ASPH: variants seen among roughly 807,000 people sequenced by gnomAD.
ASPH encodes aspartate beta-hydroxylase, also known as aspartyl/asparaginyl beta-hydroxylase.
In ASPH, 100 loss-of-function variants were observed where a neutral mutation model predicts 118.4. That is an observed-to-expected ratio of 0.84 (90% CI 0.72 to 1.00). The LOEUF (loss-of-function observed/expected upper bound fraction) is 1.00, where lower values mean the gene tolerates loss of function less well. Ranked by LOEUF, ASPH falls within the 50% of genes least tolerant of loss-of-function variation. ASPH has a pLI of 0.00. For missense variants in ASPH, 920 were observed against 919.5 expected, an observed-to-expected ratio of 1.00 and a Z score of -0.01; for synonymous variants, 315 against 325.6, an observed-to-expected ratio of 0.97 and a Z score of 0.35.
At chr8:61,598,045 C>T (rs534309405) in intron 14 of ASPH, among the ~76,000 whole-genome samples, 31 of 152,076 alleles carry the variant, frequency 2.0e-4, no homozygotes, top group East Asian at 1.9e-3. Flanking sequence ...AAACAACAGA[C>T]GATAAAGGAG....
In ASPH at chr8:61,501,333, T is replaced by G. The variant is rs931175107; in HGVS notation, c.*2026A>C. 12 of 152,192 alleles carry G rather than the reference T, an allele frequency of 7.9e-5. No homozygotes were observed. Among genetic ancestry groups the G allele is most frequent in the African/African-American group, 2.9e-4 (12 of 41,476 alleles). The allele number at this position is 152,192 out of a possible 1,614,324, so 9.4% of individuals were successfully genotyped here. On this transcript the variant is annotated 3_prime_UTR_variant, in exon 25 of 25. Transcript: ENST00000379454. ...TATTGACAACACTTTGCAACAGTAA[T>G]ACCATTTCTAGCTTTTCAATTGGCA...
chr8:61,547,973 A>C, intron 21 of ASPH, 98 bp downstream of exon 21: 2 of 1,435,264 alleles, frequency 1.4e-6, no homozygotes, highest in Non-Finnish European at 1.9e-6. Context: ...AATAAAATCT[A>C]TCTCTTCCCT....
At chr8:61,668,842 A>G (rs1820990874) in intron 3 of ASPH, among the ~76,000 whole-genome samples, 1 of 152,234 alleles carries the variant, frequency 6.6e-6, no homozygotes, top group South Asian at 2.1e-4. Context: ...AAACTTTGCA[A>G]TAGCTTTCTA....
chr8:61,533,656 A>G (rs1563726018), intron 21 of ASPH, among the ~76,000 whole-genome samples: 2 of 152,292 alleles, frequency 1.3e-5, no homozygotes, highest in South Asian at 2.1e-4. Flanking sequence ...GTCAGCGTAG[A>G]TAAGTCTATT....
chr8:61,663,664 T>G lies in ASPH; in HGVS notation c.323-10004A>C, dbSNP rs1009027378. 4.1e-6 allele frequency: 4 copies of G among 984,058 alleles called. No individual in the cohort carries two copies. In the South Asian group the frequency reaches 1.9e-4, roughly 46 times the overall value. The allele number at this position is 984,058 out of a possible 1,614,324, so 61.0% of individuals were successfully genotyped here. On this transcript the variant is annotated intron_variant, in intron 3 of 24. Coordinates refer to ENST00000379454, the MANE Select transcript of ASPH (RefSeq NM_004318.4). ...TGTGTAAAAATGGCAAAATCCTGAC[T>G]AATCAAAACATAAAACTCGAAGTTA...
chr8:61,643,106 C>G (rs1806061588), intron 9 of ASPH, among the ~76,000 whole-genome samples, 186 bp from the exon 10 acceptor site: 1 of 152,100 alleles, frequency 6.6e-6, no homozygotes, highest in Admixed American at 6.5e-5. Context: ...AAATTATTTT[C>G]ATTAAAATTT....
chr8:61,534,161 G>A (rs992671546), intron 21 of ASPH, among the ~76,000 whole-genome samples: 2 of 152,092 alleles, frequency 1.3e-5, no homozygotes, highest in Admixed American at 6.5e-5. Context: ...TGGTCAGGCT[G>A]GTCTTGAATG....
chr8:61,525,930 C>T (rs770463701), intron 22 of ASPH, 47 bp downstream of exon 22: 1 of 1,610,444 alleles, frequency 6.2e-7, no homozygotes, highest in Admixed American at 1.7e-5. Flanking sequence ...TACCCACTTC[C>T]CATCAGGTTT....
intron 13 of ASPH, among the ~76,000 whole-genome samples, chr8:61,627,395 A>G (rs996750207): frequency 3.3e-5 from 5 of 152,242 alleles, no homozygotes; most frequent in Non-Finnish European, 7.3e-5. Context: ...ACGATGATCC[A>G]GTTCACAAGA....
intron 6 of ASPH, 130 bp from the exon 7 acceptor site, chr8:61,644,762 TAA>T (rs1393646671): frequency 3.4e-6 from 2 of 587,356 alleles, no homozygotes; most frequent in African/African-American, 3.9e-5. Context: ...GACTATCAAT[TAA>T]AAGTCTGCTT....
intron 21 of ASPH, among the ~76,000 whole-genome samples, chr8:61,546,355 C>T (rs62506117): frequency 0.026 from 3,918 of 152,136 alleles, 86 homozygotes; most frequent in Middle Eastern, 0.054. Context: ...CCAAAAGGTA[C>T]AGTAGAGAAA....
chr8:61,543,979 A>T (rs1822895040), intron 21 of ASPH, among the ~76,000 whole-genome samples: 1 of 152,230 alleles, frequency 6.6e-6, no homozygotes, highest in South Asian at 2.1e-4. Flanking sequence ...AAATAACAAC[A>T]ATGTCCTGAG....
At chr8:61,623,702 T>C (rs1851737873) in intron 13 of ASPH, 3 of 152,198 alleles carry the variant, frequency 2.0e-5, no homozygotes, top group Admixed American at 2.0e-4. Flanking sequence ...GAAATTAGTA[T>C]ATTGAAGAAA....
intron 1 of ASPH, chr8:61,687,841 C>T (rs928457083): frequency 2.0e-5 from 3 of 151,970 alleles, no homozygotes; most frequent in Non-Finnish European, 4.4e-5. Context: ...TTTATATATC[C>T]CTTTTTAATA....
At chr8:61,696,491 T>G (rs1365640626) in intron 1 of ASPH, among the ~76,000 whole-genome samples, 1 of 152,176 alleles carries the variant, frequency 6.6e-6, no homozygotes, top group Admixed American at 6.5e-5. Flanking sequence ...CACCCATGCC[T>G]GTCATACGAA....
chr8:61,619,693 A>G (rs951291129), intron 13 of ASPH, among the ~76,000 whole-genome samples: 1 of 152,200 alleles, frequency 6.6e-6, no homozygotes, highest in East Asian at 1.9e-4. Flanking sequence ...CACATGGAAA[A>G]CAACAGCATA....
Position 61,556,021 on chromosome 8 carries a change from A to C in ASPH, c.1439T>G (p.Val480Gly). 1.2e-6 allele frequency: 2 copies of C among 1,613,296 alleles called. No individual in the cohort carries two copies. The highest frequency in any genetic ancestry group is 1.7e-6 in the Non-Finnish European group (2 of 1,179,594). ...NDNAKKVYEE[V>G]LSVTPNDGFA... ...GCCATCATTAGGTGTCACACTCAGC[A>C]CCTAAACTCAAAGAAAACACAGAAC... Residue 480 changes from valine to glycine, a missense_variant and splice_region_variant, in exon 19 of 25, where the codon GTG (valine) becomes GGG (glycine). Physicochemically the swap from Val to Gly is moderately radical, Grantham distance 109 (BLOSUM62 -3). Coordinates refer to ENST00000379454, the MANE Select transcript of ASPH (RefSeq NM_004318.4).
chr8:61,666,056 C>T (rs2151363037), intron 3 of ASPH, among the ~76,000 whole-genome samples: 1 of 152,052 alleles, frequency 6.6e-6, no homozygotes, highest in African/African-American at 2.4e-5. Flanking sequence ...AATACACGTG[C>T]TTCTTTGAAG....
At chr8:61,589,835 T>C (rs932107132) in intron 14 of ASPH, among the ~76,000 whole-genome samples, 1 of 152,136 alleles carries the variant, frequency 6.6e-6, no homozygotes. Context: ...AAGACATACA[T>C]GAATAACTAA....
Sources: gnomAD v4.1 joint callset for allele counts (sites outside exome capture counted in the v4.1 genomes callset) on GRCh38, gnomAD v4.1.1 for gene constraint, MANE v1.5 for transcripts, NCBI Gene and HGNC (gene_info 2026-07-23, HGNC 2026-07-21) for gene names.